Variants in HMCN1 observed in about 807,000 individuals in gnomAD.
The protein encoded by HMCN1 is hemicentin 1.
HMCN1 carries 321 observed loss-of-function variants against 625.9 expected under a neutral mutation model. That is an observed-to-expected ratio of 0.51 (90% CI 0.47 to 0.56). The LOEUF (loss-of-function observed/expected upper bound fraction) is 0.56, where lower values mean the gene tolerates loss of function less well. HMCN1 is among the 20% of genes least tolerant of loss of function. The pLI is 0.00. For missense variants in HMCN1, 6,588 were observed against 6,887.3 expected, an observed-to-expected ratio of 0.96 and a Z score of 1.54; for synonymous variants, 2,425 against 2,417.6, an observed-to-expected ratio of 1.00 and a Z score of -0.09.
Position 186,144,569 on chromosome 1 carries a change from C to A in HMCN1, c.14132C>A (p.Ala4711Asp), listed in dbSNP as rs760644661. ...GKWATWASWS[A>D]CSVSCGGGAR... is the part of the protein sequence containing the mutation. ...TGGGCGACTTGGGCCAGTTGGAGTG[C>A]CTGTTCTGTGTCATGTGGAGGAGGT... The change falls in exon 91 of 107, where the codon GCC becomes GAC. Residue 4711 changes from alanine (A) to aspartate (D), a missense_variant. Around this residue, in one of 3 missense-constraint regions of HMCN1, gnomAD observed 1,954 missense variants for 2,013.1 expected, o/e 0.97. Transcript: ENST00000271588. The A allele has an allele frequency of 1.2e-6, 2 of 1,614,052 alleles. No individual in the cohort carries two copies. Among genetic ancestry groups the A allele is most frequent in the Non-Finnish European group, 1.7e-6 (2 of 1,179,992 alleles).
At chr1:186,163,064 T>C (rs1369724818) in intron 97 of HMCN1, among the ~76,000 whole-genome samples, 2 of 152,218 alleles carry the variant, frequency 1.3e-5, no homozygotes, top group Non-Finnish European at 1.5e-5. Flanking sequence ...CTCCACCCAG[T>C]TCCAGCTTCC....
At chr1:185,924,213 A>ATTTT (rs1558068693) in intron 8 of HMCN1, among the ~76,000 whole-genome samples, 11 of 77,618 alleles carry the variant, frequency 1.4e-4, no homozygotes, top group South Asian at 3.8e-4. Flanking sequence ...CTCTGACCCA[A>ATTTT]TCTTTTTTTT....
At chr1:185,838,451 C>G (rs1016575114) in intron 1 of HMCN1, among the ~76,000 whole-genome samples, 4 of 152,144 alleles carry the variant, frequency 2.6e-5, no homozygotes, top group African/African-American at 4.8e-5. Context: ...TTATACCCCC[C>G]AGTCTCAACC....
chr1:186,170,792 A>T (rs1174039380), intron 100 of HMCN1, among the ~76,000 whole-genome samples: 1 of 152,224 alleles, frequency 6.6e-6, no homozygotes, highest in Non-Finnish European at 1.5e-5. Context: ...TGAGGAGTTC[A>T]TGCCTGCACA....
At chr1:186,165,046 C>A in intron 97 of HMCN1, 65 bp from the exon 98 acceptor site, 3 of 1,379,890 alleles carry the variant, frequency 2.2e-6, no homozygotes, top group South Asian at 1.2e-5. Flanking sequence ...GAAGATGGTA[C>A]TGGAAAGAAG....
intron 1 of HMCN1, among the ~76,000 whole-genome samples, chr1:185,796,236 C>T (rs1401684997): frequency 6.6e-6 from 1 of 152,148 alleles, no homozygotes; most frequent in Non-Finnish European, 1.5e-5. Flanking sequence ...GCACAGTTCA[C>T]GATAGGGTTT....
intron 45 of HMCN1, 85 bp downstream of exon 45, chr1:186,055,759 A>G: frequency 7.7e-7 from 1 of 1,291,256 alleles, no homozygotes. Flanking sequence ...TCAAGTACTG[A>G]AAGTCATTTA....
chr1:186,141,673 T>C (rs75299214), intron 89 of HMCN1, among the ~76,000 whole-genome samples: 798 of 152,330 alleles, frequency 5.2e-3, no homozygotes, highest in Non-Finnish European at 7.4e-3. Context: ...CTTACACTTA[T>C]GTAGGATTTA....
At chr1:185,956,084 ATAT>A (rs1401259203) in intron 11 of HMCN1, among the ~76,000 whole-genome samples, 2 of 152,166 alleles carry the variant, frequency 1.3e-5, no homozygotes, top group Admixed American at 6.5e-5. Flanking sequence ...ATTATTAATC[ATAT>A]TATATATACA....
In HMCN1 at chr1:186,078,211, C is replaced by T. The variant is rs768521214; in HGVS notation, c.8590C>T (p.Arg2864Cys). ...AGAAGATTCCCTTCAATATGATGTCCGTGTACTCGGTGAGTTTTTCTTTTG... is the reference window on the plus strand; with the variant it reads ...AGAAGATTCCCTTCAATATGATGTCTGTGTACTCGGTGAGTTTTTCTTTTG... ...AGEDSLQYDV[R>C]VLVPPIIKGA... The change falls in exon 55 of 107, where the codon CGT (arginine) becomes TGT (cysteine). Residue 2864 changes from arginine to cysteine, a missense_variant. By Grantham distance (180) the Arg-to-Cys change is radical. This residue lies in a region of HMCN1 where 4,628 missense variants were observed against 4,853.1 expected (regional missense o/e 0.95). Transcript: ENST00000271588. 8.1e-6 allele frequency: 13 copies of T among 1,603,982 alleles called. No homozygotes were observed. Among genetic ancestry groups the T allele is most frequent in the African/African-American group, 2.7e-5 (2 of 74,654 alleles).
intron 1 of HMCN1, among the ~76,000 whole-genome samples, chr1:185,782,685 C>A (rs1032916297): frequency 5.3e-5 from 8 of 152,230 alleles, no homozygotes; most frequent in Non-Finnish European, 1.2e-4. Flanking sequence ...CCACTCTCTT[C>A]TGGCTTGTAG....
chr1:185,995,473 A>G (rs1652718152), intron 24 of HMCN1, among the ~76,000 whole-genome samples: 1 of 152,070 alleles, frequency 6.6e-6, no homozygotes, highest in Non-Finnish European at 1.5e-5. Flanking sequence ...CTACTTCTCT[A>G]TTAATACTGT....
At chr1:186,122,858 A>G in intron 80 of HMCN1, 93 bp from the exon 81 acceptor site, 1 of 1,334,012 alleles carries the variant, frequency 7.5e-7, no homozygotes, top group Non-Finnish European at 1.1e-6. Flanking sequence ...TTTGTTTCTT[A>G]TCAATGTTTG....
At chr1:186,074,385 AC>A (rs1658666672) in intron 52 of HMCN1, among the ~76,000 whole-genome samples, 1 of 54 alleles carries the variant, frequency 0.019, no homozygotes, top group African/African-American at 0.056. Flanking sequence ...ATTATAAAAG[AC>A]TGCTTTTTAA....
intron 2 of HMCN1, among the ~76,000 whole-genome samples, chr1:185,851,988 A>G (rs1350126795): frequency 6.6e-6 from 1 of 152,076 alleles, no homozygotes; most frequent in African/African-American, 2.4e-5. Flanking sequence ...AAGTAGGAAT[A>G]TGATTAAAAA....
intron 4 of HMCN1, among the ~76,000 whole-genome samples, chr1:185,881,629 G>A (rs981859657): frequency 1.3e-5 from 2 of 152,132 alleles, no homozygotes; most frequent in Non-Finnish European, 2.9e-5. Context: ...TTTTGCTGGG[G>A]ACCTACCCTT....
At chr1:186,166,672 A>G (rs1651898736) in intron 99 of HMCN1, 136 bp from the exon 100 acceptor site, 1 of 1,235,996 alleles carries the variant, frequency 8.1e-7, no homozygotes. Context: ...ATGTGACTCA[A>G]CCAAAAACTT....
intron 11 of HMCN1, among the ~76,000 whole-genome samples, chr1:185,947,618 T>G (rs1241065062): frequency 6.6e-6 from 1 of 152,252 alleles, no homozygotes; most frequent in Non-Finnish European, 1.5e-5. Context: ...TGATTCCATT[T>G]GGGATTTCAG....
At chr1:185,889,543 C>T (rs1480980191) in intron 4 of HMCN1, among the ~76,000 whole-genome samples, 2 of 136,884 alleles carry the variant, frequency 1.5e-5, no homozygotes, top group African/African-American at 3.3e-5. Context: ...TTGTCAAAGG[C>T]CTTTTCTGCA....
Sources: allele counts gnomAD v4.1 joint callset (sites outside exome capture counted in the v4.1 genomes callset), GRCh38; gene constraint gnomAD v4.1.1; regional missense constraint gnomAD v4.1.1; transcripts MANE v1.5; gene names NCBI Gene and HGNC (gene_info 2026-07-23, HGNC 2026-07-21).